The following EDARADD variants were observed in gnomAD, a reference collection of about 807,000 sequenced individuals.
The protein encoded by EDARADD is EDAR associated via death domain.
Under a neutral mutation model 25.6 loss-of-function variants are expected in EDARADD, and 20 were observed. That is an observed-to-expected ratio of 0.78 (90% confidence interval 0.55 to 1.14). The LOEUF (loss-of-function observed/expected upper bound fraction) is 1.14, where lower values mean the gene tolerates loss of function less well. Ranked by LOEUF, EDARADD falls within the 50% of genes most tolerant of loss-of-function variation. The probability of loss-of-function intolerance (pLI) is 0.00; values close to 1 mark genes in which losing one functional copy is unlikely to be tolerated. For synonymous variants in EDARADD, 86 were observed against 94.4 expected (o/e 0.91, Z 0.52); for missense variants, 225 against 270.1 (o/e 0.83, Z 1.17).
At chr1:236,446,745 G>C (rs1255984636) in intron 4 of EDARADD, among the ~76,000 whole-genome samples, 1 of 152,108 alleles carries the variant, frequency 6.6e-6, no homozygotes, top group African/African-American at 2.4e-5. Flanking sequence ...GCAAAATAGT[G>C]TTACATGTTT....
chr1:236,483,737 C>T lies in EDARADD; in HGVS notation c.*1088C>T, dbSNP rs1659750710. The T allele has an allele frequency of 5.3e-6, 8 of 1,516,752 alleles. No homozygotes were observed. In the South Asian group the frequency reaches 9.0e-5, roughly 17 times the overall value. 94.0% of individuals were successfully genotyped at this position (1,516,752 alleles called of 1,614,324 possible). ...CCATTGGAGCGGAGGTTTACCACAGCCTGAAGAATGTCATCAAGGAGAAAT... is the reference window on the plus strand; with the variant it reads ...CCATTGGAGCGGAGGTTTACCACAGTCTGAAGAATGTCATCAAGGAGAAAT... On this transcript the variant is annotated 3_prime_UTR_variant, in exon 6 of 6. Transcript: ENST00000334232.
At chr1:236,414,669 C>T (rs944473579) in intron 3 of EDARADD, among the ~76,000 whole-genome samples, 5 of 152,022 alleles carry the variant, frequency 3.3e-5, no homozygotes, top group African/African-American at 1.2e-4. Flanking sequence ...CGCGGTGGCT[C>T]GCACCTGTAA....
At chr1:236,403,951 T>C (rs1278026411) in intron 1 of EDARADD, among the ~76,000 whole-genome samples, 1 of 152,172 alleles carries the variant, frequency 6.6e-6, no homozygotes, top group African/African-American at 2.4e-5. Context: ...ACCAGCTAAT[T>C]TGAGGTGATC....
intron 3 of EDARADD, among the ~76,000 whole-genome samples, chr1:236,376,035 A>G (rs1435845195): frequency 7.0e-6 from 1 of 143,704 alleles, no homozygotes; most frequent in Non-Finnish European, 1.5e-5. Context: ...CTGAGGTTCG[A>G]GCGATTCTCC....
chr1:236,447,708 A>G (rs1658604349), intron 4 of EDARADD, among the ~76,000 whole-genome samples: 1 of 151,994 alleles, frequency 6.6e-6, no homozygotes, highest in Admixed American at 6.6e-5. Flanking sequence ...GAAAGTGCCT[A>G]TTAGTTAGTG....
intron 3 of EDARADD, among the ~76,000 whole-genome samples, chr1:236,356,395 A>G (rs941687289): frequency 6.6e-6 from 1 of 152,136 alleles, no homozygotes; most frequent in Non-Finnish European, 1.5e-5. Context: ...TGGAGCAATT[A>G]TGTTTACCGG....
intron 5 of EDARADD, among the ~76,000 whole-genome samples, chr1:236,477,656 G>C (rs1659548187): frequency 6.6e-6 from 1 of 152,070 alleles, no homozygotes; most frequent in East Asian, 1.9e-4. Flanking sequence ...TGCAACAGAG[G>C]AAGTTCGGTG....
intron 4 of EDARADD, among the ~76,000 whole-genome samples, chr1:236,459,927 T>C (rs1658994343): frequency 6.6e-6 from 1 of 152,148 alleles, no homozygotes; most frequent in African/African-American, 2.4e-5. Flanking sequence ...CTTAATGAAA[T>C]GCTCCTCATT....
At chr1:236,393,584 G>C (rs1667461299), upstream of EDARADD, among the ~76,000 whole-genome samples, 1 of 151,484 alleles carries the variant, frequency 6.6e-6, no homozygotes, top group Admixed American at 6.6e-5. Context: ...TTTAGTAGCG[G>C]TGGGGTTTCA....
At chr1:236,465,272 C>T (rs533427272) in intron 4 of EDARADD, among the ~76,000 whole-genome samples, 13 of 152,328 alleles carry the variant, frequency 8.5e-5, no homozygotes, top group African/African-American at 3.1e-4. Flanking sequence ...CCTGAGGATA[C>T]CCTGCTTCAG....
chr1:236,450,880 C>A (rs1658694154), intron 4 of EDARADD, among the ~76,000 whole-genome samples: 1 of 152,112 alleles, frequency 6.6e-6, no homozygotes, highest in African/African-American at 2.4e-5. Flanking sequence ...TGACCTTATG[C>A]AGAATGTACC....
intron 2 of EDARADD, 21 bp from the exon 3 acceptor site, chr1:236,414,239 C>T (rs773865130): frequency 6.2e-7 from 1 of 1,600,926 alleles, no homozygotes; most frequent in Non-Finnish European, 8.6e-7. Flanking sequence ...AATAATTCTC[C>T]TCTTTTGTTG....
chr1:236,469,122 A>G (rs764117730), intron 5 of EDARADD, among the ~76,000 whole-genome samples: 21 of 152,024 alleles, frequency 1.4e-4, no homozygotes, highest in Non-Finnish European at 2.6e-4. Flanking sequence ...CATGTTTGCA[A>G]TGTTTAAATT....
At chr1:236,393,247 A>C (rs901814826), upstream of EDARADD, among the ~76,000 whole-genome samples, 2 of 152,028 alleles carry the variant, frequency 1.3e-5, no homozygotes, top group African/African-American at 2.4e-5. Flanking sequence ...CACTATCTCC[A>C]TTTATTGGAA....
chr1:236,359,097 G>A (rs573591974), intron 3 of EDARADD, among the ~76,000 whole-genome samples: 1 of 152,204 alleles, frequency 6.6e-6, no homozygotes, highest in African/African-American at 2.4e-5. Flanking sequence ...TTGTAAAAGA[G>A]GTAAACTTGA....
chr1:236,413,253 G>A (rs1045364256), intron 2 of EDARADD, among the ~76,000 whole-genome samples: 1 of 152,200 alleles, frequency 6.6e-6, no homozygotes, highest in East Asian at 1.9e-4. Context: ...TTGATCTGGG[G>A]TAGAACTGTA....
intron 3 of EDARADD, among the ~76,000 whole-genome samples, chr1:236,367,551 G>A (rs1415522832): frequency 6.6e-6 from 1 of 151,990 alleles, no homozygotes; most frequent in Non-Finnish European, 1.5e-5. Context: ...TTTTTGTAGA[G>A]ACGAGGTCTC....
chr1:236,380,047 G>GT (rs1667280280), intron 3 of EDARADD, among the ~76,000 whole-genome samples: 3 of 152,294 alleles, frequency 2.0e-5, no homozygotes, highest in Admixed American at 2.0e-4. Context: ...CTGAGCTGCT[G>GT]TTTGCCTTTG....
At chr1:236,431,495 A>G (rs1326949105) in intron 4 of EDARADD, among the ~76,000 whole-genome samples, 1 of 152,232 alleles carries the variant, frequency 6.6e-6, no homozygotes, top group Non-Finnish European at 1.5e-5. Context: ...TTTAAAATCA[A>G]TACCCCATCT....
Sources: allele counts gnomAD v4.1 joint callset (sites outside exome capture counted in the v4.1 genomes callset), GRCh38; gene constraint gnomAD v4.1.1; transcripts MANE v1.5; gene names NCBI Gene and HGNC (gene_info 2026-07-23, HGNC 2026-07-21).